Variants in MYO7B observed in about 807,000 individuals in gnomAD.
MYO7B encodes unconventional myosin-VIIb.
MYO7B carries 212 observed loss-of-function variants against 259.7 expected under a neutral mutation model. The ratio of observed to expected loss-of-function variants is 0.82; its 90% CI spans 0.73 to 0.91. MYO7B has a LOEUF of 0.91. Among genes scored for constraint, MYO7B ranks in the 40% least tolerant of loss-of-function variants. The probability of loss-of-function intolerance (pLI) is 0.00; values close to 1 mark genes in which losing one functional copy is unlikely to be tolerated. For synonymous variants in MYO7B, 1,197 were observed against 1,166.4 expected (o/e 1.03, Z -0.54); for missense variants, 2,732 against 2,813.5 (o/e 0.97, Z 0.66).
At chr2:127,603,870 ATG>A (rs1680056188) in intron 19 of MYO7B, among the ~76,000 whole-genome samples, 1 of 152,232 alleles carries the variant, frequency 6.6e-6, no homozygotes, top group Non-Finnish European at 1.5e-5. Context: ...GTGGTGGCTC[ATG>A]CCTGTAATCC....
At chr2:127,633,118 G>A (rs745685056) in intron 39 of MYO7B, 140 bp from the exon 40 acceptor site, 13 of 650,448 alleles carry the variant, frequency 2.0e-5, no homozygotes, top group Middle Eastern at 4.0e-4. Flanking sequence ...CAGGACATGC[G>A]AGGGGCTGGA....
intron 19 of MYO7B, 95 bp from the exon 20 acceptor site, chr2:127,605,749 A>G: frequency 9.5e-7 from 1 of 1,057,130 alleles, no homozygotes; most frequent in Non-Finnish European, 1.4e-6. Flanking sequence ...CCAATATTTC[A>G]CTAACCCTGT....
intron 20 of MYO7B, 69 bp downstream of exon 20, chr2:127,605,997 G>A: frequency 2.3e-6 from 3 of 1,319,692 alleles, no homozygotes; most frequent in Non-Finnish European, 3.2e-6. Flanking sequence ...AGACAGATTT[G>A]TAAAGTTTGT....
chr2:127,603,047 A>T (rs759594130), intron 19 of MYO7B, among the ~76,000 whole-genome samples: 3 of 152,128 alleles, frequency 2.0e-5, no homozygotes, highest in Admixed American at 6.5e-5. Flanking sequence ...TTTATCATGA[A>T]ATTGCAGCAA....
intron 34 of MYO7B, among the ~76,000 whole-genome samples, chr2:127,629,111 G>GT (rs1681322261): frequency 6.6e-6 from 1 of 152,242 alleles, no homozygotes; most frequent in Admixed American, 6.5e-5. Context: ...GGGTGGTGTG[G>GT]TTAGTGCAGG....
In MYO7B at chr2:127,535,805, A is replaced by C. The variant is rs1692748564; in HGVS notation, c.-50A>C. 1 of 151,964 alleles carries C rather than the reference A, an allele frequency of 6.6e-6. No homozygotes were observed. The highest frequency in any genetic ancestry group is 2.1e-4 in the South Asian group (1 of 4,828). 9.4% of individuals were successfully genotyped at this position (151,964 alleles called of 1,614,324 possible). Reference sequence around the variant, plus strand: ...GGTGCCCAGGGTGGAGGGGAAGGGGAGTCAGCCAGACCCCCATCCTGACAA... The same window carrying C: ...GGTGCCCAGGGTGGAGGGGAAGGGGCGTCAGCCAGACCCCCATCCTGACAA... On this transcript the variant is annotated 5_prime_UTR_variant, in exon 1 of 48. Transcript: ENST00000409816. This position sits in a 1 kb window ranked among gnomAD's most constrained non-coding sequence, Gnocchi z 4.8.
At chr2:127,558,536 A>G (rs1677921551) in intron 1 of MYO7B, among the ~76,000 whole-genome samples, 1 of 152,212 alleles carries the variant, frequency 6.6e-6, no homozygotes, top group Non-Finnish European at 1.5e-5. Flanking sequence ...TCGAAAAGAT[A>G]CTTGCACGCA....
In MYO7B at chr2:127,590,286, T is replaced by C. The variant is rs535970409; in HGVS notation, c.1992+57T>C. On this transcript the variant is annotated intron_variant, in intron 16 of 47. Coordinates refer to ENST00000409816, the MANE Select transcript of MYO7B (RefSeq NM_001393586.1). This position sits in a 1 kb window ranked among gnomAD's most constrained non-coding sequence, Gnocchi z 4.6. ...AGGGAGGAGGAGGAGGCTGATGGCC[T>C]CTAGGGTTGTGGTCACTCCCTCTGC... The C allele has an allele frequency of 2.1e-5, 33 of 1,609,198 alleles. No homozygotes were observed. In the African/African-American group the frequency reaches 3.2e-4, roughly 16 times the overall value.
In MYO7B at chr2:127,628,229, C is replaced by A. The variant is rs545965299; in HGVS notation, c.4461-143C>A. 2.0e-6 allele frequency: 2 copies of A among 993,634 alleles called. No homozygotes were observed. Among genetic ancestry groups the A allele is most frequent in the Non-Finnish European group, 3.1e-6 (2 of 652,462 alleles). The allele number at this position is 993,634 out of a possible 1,614,324, so 61.6% of individuals were successfully genotyped here. ...CATTTGTCCAGACCCACAGTGGTGT[C>A]TGGCCTAGTCCTGGCCCTGGCAGAG... On this transcript the variant is annotated intron_variant, in intron 33 of 47. Transcript: ENST00000409816. The surrounding 1 kb of genome is among the most constrained non-coding windows in gnomAD (Gnocchi z 4.8).
intron 10 of MYO7B, 35 bp from the exon 11 acceptor site, chr2:127,581,856 C>T: frequency 6.2e-7 from 1 of 1,612,104 alleles, no homozygotes; most frequent in Middle Eastern, 1.7e-4. Context: ...GGCCCTGCTC[C>T]ACAGGTGCGA....
intron 39 of MYO7B, among the ~76,000 whole-genome samples, chr2:127,632,948 C>T (rs1289795816): frequency 6.6e-6 from 1 of 152,242 alleles, no homozygotes; most frequent in Admixed American, 6.5e-5. Context: ...TGGCCCCTGC[C>T]CGATGCCCCT....
Position 127,596,519 on chromosome 2 carries a change from C to T in MYO7B, c.2302C>T (p.Leu768Phe), listed in dbSNP as rs1286389278. 6.2e-7 allele frequency: 1 copy of T among 1,613,526 alleles called. No homozygotes were observed. The highest frequency in any genetic ancestry group is 8.5e-7 in the Non-Finnish European group (1 of 1,179,768). ...AAGCCAGGTGCTAGACAGAGCGGCG[C>T]TCAGCATCCAGAAAGTCCTTCGGGG... ...QRSQVLDRAA[L>F]SIQKVLRGYR... Residue 768 changes from leucine to phenylalanine, a missense_variant, in exon 19 of 48, where the codon CTC (leucine) becomes TTC (phenylalanine). By Grantham distance (22) the Leu-to-Phe change is conservative. Coordinates refer to ENST00000409816, the MANE Select transcript of MYO7B (RefSeq NM_001393586.1).
At chr2:127,541,216 C>T (rs899316089) in intron 1 of MYO7B, among the ~76,000 whole-genome samples, 2 of 151,868 alleles carry the variant, frequency 1.3e-5, no homozygotes, top group African/African-American at 4.8e-5. Context: ...GTGAAGGGGG[C>T]ATCTCCAGGG....
At position 127,598,186 on chromosome 2, in the gene MYO7B, A is replaced by C. The variant is rs147926256; in HGVS notation, c.2339+1630A>C. Among the ~76,000 whole-genome samples the C allele has an allele frequency of 3.4e-3, 520 of 152,320 alleles. 5 individuals carry two copies. Among genetic ancestry groups the C allele is most frequent in the African/African-American group, 0.012 (499 of 41,560 alleles). Reference sequence around the variant, plus strand: ...AGTTTTGTTTTTTAAGAAACTGCCAAAGTGTTTTCAAGAGTGGCTGCACCA... The same window carrying C: ...AGTTTTGTTTTTTAAGAAACTGCCACAGTGTTTTCAAGAGTGGCTGCACCA... On this transcript the variant is annotated intron_variant, in intron 19 of 47. Coordinates refer to ENST00000409816, the MANE Select transcript of MYO7B (RefSeq NM_001393586.1).
chr2:127,550,558 C>CA (rs11354503), intron 1 of MYO7B, among the ~76,000 whole-genome samples: 24 of 141,524 alleles, frequency 1.7e-4, no homozygotes, highest in Admixed American at 6.3e-4. Flanking sequence ...ACTCTGTCTC[C>CA]AAAAAAAAAA....
At position 127,635,766 on chromosome 2, in the gene MYO7B, G is replaced by A. The variant is rs2105153398; in HGVS notation, c.5865G>A (p.Glu1955=). ...GCGGATTCCACAAGTGTTCGCGGGA[G>A]GATGCCATCCACCTGGCGGGCCTCA... is the stretch of plus-strand genomic sequence containing the variant. ...YLRGFHKCSR[E]DAIHLAGLIY... The change falls in exon 44 of 48, where the codon GAG becomes GAA. Residue 1955 remains glutamate, a synonymous_variant. Transcript: ENST00000409816. The A allele has an allele frequency of 1.2e-6, 2 of 1,602,708 alleles. No homozygotes were observed. Among genetic ancestry groups the A allele is most frequent in the East Asian group, 4.5e-5 (2 of 44,230 alleles).
chr2:127,552,445 G>A (rs1458910409), intron 1 of MYO7B, among the ~76,000 whole-genome samples: 1 of 152,162 alleles, frequency 6.6e-6, no homozygotes, highest in Non-Finnish European at 1.5e-5. Context: ...GTGTTGTGGT[G>A]AGGAGGGGCG....
Position 127,623,243 on chromosome 2 carries a change from G to C in MYO7B, c.3687G>C (p.Leu1229Phe), listed in dbSNP as rs1279408668. The change falls in exon 29 of 48, where the codon TTG becomes TTC. Residue 1229 changes from leucine (L) to phenylalanine (F), a missense_variant. Leu to Phe is a conservative substitution (Grantham distance 22). Around this residue, in one of 3 missense-constraint regions of MYO7B, gnomAD observed 1,906 missense variants for 2,026.4 expected, o/e 0.94. Transcript: ENST00000409816. ...SKKHIPIQVILATGESLTVPV... is the reference protein window; with the variant it reads ...SKKHIPIQVIFATGESLTVPV... ...AGCACATCCCCATCCAAGTCATCTT[G>C]GCCACTGGAGAGAGCCTAACCGTCC... 5 of 1,613,532 alleles carry C rather than the reference G, an allele frequency of 3.1e-6. No individual in the cohort carries two copies. The highest frequency in any genetic ancestry group is 4.2e-6 in the Non-Finnish European group (5 of 1,179,800).
intron 19 of MYO7B, among the ~76,000 whole-genome samples, chr2:127,599,251 T>C (rs1459686820): frequency 2.0e-5 from 3 of 152,244 alleles, no homozygotes; most frequent in African/African-American, 7.2e-5. Context: ...TTTGTAGTTT[T>C]TAGCACACAA....
Sources: gnomAD v4.1 joint callset for allele counts (sites outside exome capture counted in the v4.1 genomes callset) on GRCh38, gnomAD v4.1.1 for gene constraint, gnomAD v4.1.1 regional missense constraint, Gnocchi (gnomAD v3.1) non-coding constraint, MANE v1.5 for transcripts, NCBI Gene and HGNC (gene_info 2026-07-23, HGNC 2026-07-21) for gene names.